ECM2: variants seen among roughly 807,000 people sequenced by gnomAD.
The protein encoded by ECM2 is extracellular matrix protein 2, female organ and adipocyte specific.
In ECM2, 57 loss-of-function variants were observed where a neutral mutation model predicts 67.5. The observed-to-expected ratio is 0.84, with a 90% CI of 0.68 to 1.05. ECM2 has a LOEUF of 1.05. ECM2 is among the 50% of genes least tolerant of loss of function. The probability of loss-of-function intolerance (pLI) is 0.00; values close to 1 mark genes in which losing one functional copy is unlikely to be tolerated. For synonymous variants in ECM2, 258 were observed against 294.5 expected, an observed-to-expected ratio of 0.88 and a Z score of 1.27; for missense variants, 741 against 822.8, an observed-to-expected ratio of 0.90 and a Z score of 1.22.
chr9:92,513,525 AC>A (rs1261170731), intron 4 of ECM2, among the ~76,000 whole-genome samples: 2 of 152,110 alleles, frequency 1.3e-5, no homozygotes, highest in Non-Finnish European at 1.5e-5. Context: ...ATACATAATC[AC>A]CCCAAACTGG....
intron 8 of ECM2, among the ~76,000 whole-genome samples, 194 bp downstream of exon 8, chr9:92,502,319 C>T (rs766317963): frequency 2.0e-5 from 3 of 152,092 alleles, no homozygotes; most frequent in Non-Finnish European, 4.4e-5. Context: ...AGTCATGCAG[C>T]GCACAGGTTG....
At chr9:92,522,992 G>T in intron 1 of ECM2, 99 bp from the exon 2 acceptor site, 1 of 1,128,992 alleles carries the variant, frequency 8.9e-7, no homozygotes, top group Non-Finnish European at 1.2e-6. Context: ...GCAAGTCTTT[G>T]AGAAATTACA....
chr9:92,552,097 A>AGGTCTATCATATATATGTGATAT, the ECM2 span, among the ~76,000 whole-genome samples: 26 of 138,494 alleles, frequency 1.9e-4, no homozygotes, highest in African/African-American at 6.6e-4. Context: ...GTGATATGAT[A>AGGTCTATCATATATATGTGATAT]GATCTATCAT....
chr9:92,514,621 C>A lies in ECM2; in HGVS notation c.1054+10G>T, dbSNP rs1197124235. 1 of 1,551,062 alleles carries A rather than the reference C, an allele frequency of 6.4e-7. No homozygotes were observed. ...AAGCACAAAATAAAGCAGAAGTCAA[C>A]ATCTCTTACCAGTGAGCTCCAGACT... On this transcript the variant is annotated intron_variant, in intron 4 of 9. Transcript: ENST00000344604.
chr9:92,544,242 GA>G, the ECM2 span, among the ~76,000 whole-genome samples: 1 of 152,226 alleles, frequency 6.6e-6, no homozygotes, highest in African/African-American at 2.4e-5. Flanking sequence ...TTGGGAGGCT[GA>G]GGCACGTGGA....
chr9:92,541,000 G>A (rs1849305398), upstream of ECM2, among the ~76,000 whole-genome samples: 1 of 152,074 alleles, frequency 6.6e-6, no homozygotes, highest in African/African-American at 2.4e-5. Context: ...AGTGGCTCAT[G>A]CCTGTAATCC....
At position 92,500,824 on chromosome 9, in the gene ECM2, C is replaced by A; in HGVS notation, c.1834G>T (p.Glu612Ter). ...AAGTCATTGTGATCCAGAAATAATT[C>A]TCTCAGAGAATGATATGCCCCATAG... Reference protein sequence around the residue: ...SFYGAYHSLRELFLDHNDLKS... With the variant: ...SFYGAYHSLR The change falls in exon 9 of 10, where the codon GAA becomes TAA. Residue 612 changes from glutamate to a stop codon, truncating the protein, a stop_gained. Coordinates refer to ENST00000344604, the MANE Select transcript of ECM2 (RefSeq NM_001393.4). LOFTEE classifies it high-confidence loss of function. The A allele has an allele frequency of 1.2e-6, 2 of 1,614,162 alleles. No homozygotes were observed. Among genetic ancestry groups the A allele is most frequent in the South Asian group, 1.1e-5 (1 of 91,082 alleles).
In ECM2 at chr9:92,500,859, C is replaced by T. The variant is rs570789332; in HGVS notation, c.1799G>A (p.Arg600His). ...ATGATATGCCCCATAGAAGGAGACA[C>T]GGTCCATGCCATCATCAGCAAGTTT... ...FNKLADDGMD[R>H]VSFYGAYHSL... is the part of the protein sequence containing the mutation. Residue 600 changes from arginine (R) to histidine (H), a missense_variant, in exon 9 of 10, where the codon CGT becomes CAT. Coordinates refer to ENST00000344604, the MANE Select transcript of ECM2 (RefSeq NM_001393.4). 3.8e-5 allele frequency: 61 copies of T among 1,614,128 alleles called. No individual in the cohort carries two copies. In the Admixed American group the frequency reaches 4.2e-4, roughly 11 times the overall value.
intron 5 of ECM2, among the ~76,000 whole-genome samples, chr9:92,511,426 GTTT>G (rs35306473): frequency 2.0e-4 from 29 of 144,702 alleles, no homozygotes; most frequent in African/African-American, 4.5e-4. Flanking sequence ...TGCCTGGCCT[GTTT>G]TTTTTTTTTT....
chr9:92,551,938 T>TG, the ECM2 span, among the ~76,000 whole-genome samples: 33 of 86,628 alleles, frequency 3.8e-4, 2 homozygotes, highest in African/African-American at 2.5e-3. Flanking sequence ...TATATATATA[T>TG]ATATATATAT....
chr9:92,513,144 T>C (rs185810833), intron 4 of ECM2, among the ~76,000 whole-genome samples: 1 of 152,256 alleles, frequency 6.6e-6, no homozygotes, highest in East Asian at 1.9e-4. Context: ...CTCCTGCTGC[T>C]CCCAGCACCC....
chr9:92,533,649 C>A (rs1848996512), intron 1 of ECM2, among the ~76,000 whole-genome samples: 2 of 151,850 alleles, frequency 1.3e-5, no homozygotes, highest in Non-Finnish European at 2.9e-5. Flanking sequence ...AGGAGAAGCT[C>A]CCTCAGATTC....
At chr9:92,501,092 G>A in intron 8 of ECM2, 39 bp from the exon 9 acceptor site, 2 of 1,582,390 alleles carry the variant, frequency 1.3e-6, no homozygotes, top group Non-Finnish European at 1.7e-6. Flanking sequence ...AGGGACATCA[G>A]GATGGTGATC....
At chr9:92,520,083 A>G (rs976754246) in intron 2 of ECM2, among the ~76,000 whole-genome samples, 5 of 87,394 alleles carry the variant, frequency 5.7e-5, no homozygotes, top group African/African-American at 3.9e-4. Context: ...GGAATTTGAG[A>G]ACGGCTTGGA....
chr9:92,505,899 G>A (rs1003501604), intron 6 of ECM2, among the ~76,000 whole-genome samples: 3 of 152,102 alleles, frequency 2.0e-5, no homozygotes, highest in African/African-American at 4.8e-5. Context: ...GCATGGTCCA[G>A]TAGTGAGGCA....
chr9:92,501,280 T>C (rs1846656897), intron 8 of ECM2, among the ~76,000 whole-genome samples: 1 of 152,104 alleles, frequency 6.6e-6, no homozygotes, highest in Non-Finnish European at 1.5e-5. Flanking sequence ...TGTGAGTCCA[T>C]GCGAGAGGAG....
At chr9:92,503,090 G>T (rs1846789811) in intron 7 of ECM2, among the ~76,000 whole-genome samples, 1 of 152,060 alleles carries the variant, frequency 6.6e-6, no homozygotes, top group South Asian at 2.1e-4. Flanking sequence ...TTACAGGAAA[G>T]TTGTCAAATT....
chr9:92,546,870 C>T, the ECM2 span, among the ~76,000 whole-genome samples: 5 of 152,132 alleles, frequency 3.3e-5, no homozygotes, highest in Non-Finnish European at 7.3e-5. Flanking sequence ...ATATTGAGTT[C>T]ATAATTTCAA....
At chr9:92,522,424 T>G in intron 2 of ECM2, 151 bp downstream of exon 2, 1 of 930,446 alleles carries the variant, frequency 1.1e-6, no homozygotes, top group East Asian at 2.8e-5. Context: ...GTTTGTAGAT[T>G]AAACCAAAAA....
Sources: gnomAD v4.1 joint callset for allele counts (sites outside exome capture counted in the v4.1 genomes callset) on GRCh38, gnomAD v4.1.1 for gene constraint, MANE v1.5 for transcripts, NCBI Gene and HGNC (gene_info 2026-07-23, HGNC 2026-07-21) for gene names.